PLEC: variants seen among roughly 807,000 people sequenced by gnomAD.
The protein encoded by PLEC is hemidesmosomal protein 1.
A neutral mutation model predicts 392.8 loss-of-function variants in PLEC; 216 were observed. That is an observed-to-expected ratio of 0.55 (90% CI 0.49 to 0.62). The LOEUF is 0.62. PLEC is among the 20% of genes least tolerant of loss of function. PLEC has a pLI of 0.00. For missense variants in PLEC, 6,863 were observed against 6,563.4 expected, an observed-to-expected ratio of 1.05 and a Z score of -1.58; for synonymous variants, 3,621 against 2,980.6, an observed-to-expected ratio of 1.21 and a Z score of -7.00.
At position 143,921,252 on chromosome 8, in the gene PLEC, T is replaced by G; in HGVS notation, c.8569A>C (p.Asn2857His). The change falls in exon 32 of 32, where the codon AAC becomes CAC. Residue 2857 changes from asparagine (N) to histidine (H), a missense_variant. Asn to His is a moderately conservative substitution (Grantham distance 68). Transcript: ENST00000345136. ...AGGTACGTGAGGTTCTCGTGCGTGT[T>G]GGGGTCAAAGAAGCCCTTGGTGTCG... ...SDDTKGFFDPNTHENLTYLQL... is the reference protein window; with the variant it reads ...SDDTKGFFDPHTHENLTYLQL... 2 of 1,614,082 alleles carry G rather than the reference T, an allele frequency of 1.2e-6. No individual in the cohort carries two copies. Among genetic ancestry groups the G allele is most frequent in the South Asian group, 1.1e-5 (1 of 91,092 alleles).
intron 1 of PLEC, among the ~76,000 whole-genome samples, chr8:143,949,047 C>T (rs1831824213): frequency 6.6e-6 from 1 of 152,204 alleles, no homozygotes; most frequent in African/African-American, 2.4e-5. Flanking sequence ...GGCCAGCCTC[C>T]ACCCCACAGC....
upstream of PLEC, among the ~76,000 whole-genome samples, chr8:143,974,342 C>T (rs148834063): frequency 2.3e-3 from 353 of 152,374 alleles, 1 homozygote; most frequent in Non-Finnish European, 3.7e-3. The surrounding 1 kb of genome is among the most constrained non-coding windows in gnomAD (Gnocchi z 5.9). Context: ...GGCGTGGGAA[C>T]GACACAAGTG....
At chr8:143,962,950 G>C (rs1832934853) in intron 1 of PLEC, among the ~76,000 whole-genome samples, 2 of 152,174 alleles carry the variant, frequency 1.3e-5, no homozygotes, top group Non-Finnish European at 2.9e-5. Context: ...ATGTTGGGAG[G>C]TTCACTGTTA....
In PLEC at chr8:143,937,247, GGGGA is replaced by G. The variant is rs782465197; in HGVS notation, c.265-9_265-6del. ...CATCCTCCCCTTCTCCCGGGGCTGT[GGGGA>G]GGCACAGTCAGCACCCACAGTGCAG... On this transcript the variant is annotated splice_region_variant and splice_polypyrimidine_tract_variant and intron_variant, in intron 3 of 31. Transcript: ENST00000345136. The G allele has an allele frequency of 1.2e-6, 2 of 1,610,696 alleles. No homozygotes were observed. The highest frequency in any genetic ancestry group is 2.7e-5 in the African/African-American group (2 of 74,846).
Position 143,937,211 on chromosome 8 carries a change from T to C in PLEC, c.296A>G (p.Lys99Arg). 6.2e-7 allele frequency: 1 copy of C among 1,612,764 alleles called. No homozygotes were observed. Among genetic ancestry groups the C allele is most frequent in the Non-Finnish European group, 8.5e-7 (1 of 1,179,798 alleles). The stretch of plus-strand genomic sequence containing the variant: ...CAGGGCAATCTGGACATTCTGCAGC[T>C]TGTGGAAACGCATCCTCCCCTTCTC... Reference protein sequence around the residue: ...PREKGRMRFHKLQNVQIALDY... With the variant: ...PREKGRMRFHRLQNVQIALDY... Residue 99 changes from lysine (K) to arginine (R), a missense_variant, in exon 4 of 32, where the codon AAG (lysine) becomes AGG (arginine). Coordinates refer to ENST00000345136, the MANE Select transcript of PLEC (RefSeq NM_201384.3).
chr8:143,933,968 CCG>C, intron 12 of PLEC, 28 bp downstream of exon 12: 1 of 1,578,330 alleles, frequency 6.3e-7, no homozygotes, highest in Admixed American at 1.7e-5. Flanking sequence ...GGCCTCCCTC[CCG>C]CCCACTGCCT....
At position 143,917,611 on chromosome 8, in the gene PLEC, G is replaced by A. The variant is rs1009404915; in HGVS notation, c.12210C>T (p.Gly4070=). Residue 4070 remains glycine, a synonymous_variant, in exon 32 of 32, where the codon GGC becomes GGT. Coordinates refer to ENST00000345136, the MANE Select transcript of PLEC (RefSeq NM_201384.3). ...RLPVEVAYKR[G]LFDEEMNEIL... ...TCTCGTTCATCTCCTCATCGAAGAG[G>A]CCGCGCTTGTAGGCCACCTCCACGG... 2.5e-6 allele frequency: 4 copies of A among 1,613,668 alleles called. No individual in the cohort carries two copies. Among genetic ancestry groups the A allele is most frequent in the Non-Finnish European group, 3.4e-6 (4 of 1,180,026 alleles).
In PLEC at chr8:143,923,671, G is replaced by A; in HGVS notation, c.6258C>T (p.Ala2086=). The A allele has an allele frequency of 1.9e-6, 3 of 1,556,562 alleles. 1 individual carries two copies. Among genetic ancestry groups the A allele is most frequent in the South Asian group, 2.3e-5 (2 of 86,682 alleles). Residue 2086 remains alanine, a synonymous_variant, in exon 31 of 32, where the codon GCC becomes GCT. Coordinates refer to ENST00000345136, the MANE Select transcript of PLEC (RefSeq NM_201384.3). ...LDQLRGEAEA[A]RRAAEEAEEA... Reference sequence around the variant, plus strand: ...CCTCCGCCTCCTCAGCCGCCCGCCGGGCCGCCTCCGCCTCGCCGCGCAGCT... The same window carrying A: ...CCTCCGCCTCCTCAGCCGCCCGCCGAGCCGCCTCCGCCTCGCCGCGCAGCT...
intron 1 of PLEC, among the ~76,000 whole-genome samples, chr8:143,964,169 C>T (rs1256205770): frequency 6.6e-6 from 1 of 152,126 alleles, no homozygotes; most frequent in Non-Finnish European, 1.5e-5. Context: ...GGCATGTTGG[C>T]ATAAGAAACA....
At position 143,932,813 on chromosome 8, in the gene PLEC, C is replaced by T. The variant is rs1291161114; in HGVS notation, c.1717G>A (p.Glu573Lys). ...QSIEEFRAKI[E>K]RARSDEGQLS... ...CCCACCTCGTCACTCCGTGCCCGCT[C>T]GATCTTGGCCCGGAATTCTTCGATG... The change falls in exon 14 of 32, where the codon GAG becomes AAG. Residue 573 changes from glutamate (E) to lysine (K), a missense_variant. Transcript: ENST00000345136. The T allele has an allele frequency of 9.9e-6, 16 of 1,612,492 alleles. No homozygotes were observed. Among genetic ancestry groups the T allele is most frequent in the East Asian group, 2.2e-5 (1 of 44,870 alleles).
At chr8:143,974,956 G>T (rs137942546), upstream of PLEC, among the ~76,000 whole-genome samples, 1 of 152,316 alleles carries the variant, frequency 6.6e-6, no homozygotes, top group African/African-American at 2.4e-5. This position sits in a 1 kb window ranked among gnomAD's most constrained non-coding sequence, Gnocchi z 5.9. Flanking sequence ...GATGGACGCC[G>T]CGGCAAGAAG....
upstream of PLEC, among the ~76,000 whole-genome samples, chr8:143,953,117 C>G (rs1049700421): frequency 3.8e-4 from 57 of 151,614 alleles, no homozygotes; most frequent in African/African-American, 1.3e-3. Context: ...CCTGCCCCCA[C>G]CCTGTGGGAA....
At position 143,924,237 on chromosome 8, in the gene PLEC, G is replaced by A; in HGVS notation, c.5692C>T (p.Leu1898=). 1 of 1,598,354 alleles carries A rather than the reference G, an allele frequency of 6.3e-7. No individual in the cohort carries two copies. The highest frequency in any genetic ancestry group is 8.5e-7 in the Non-Finnish European group (1 of 1,179,388). ...AGCTCGCTGTCCGATGCCTTGCGCAGCTGGGCCAGGCGCTCCTCGATGTCA... is the reference window on the plus strand; with the variant it reads ...AGCTCGCTGTCCGATGCCTTGCGCAACTGGGCCAGGCGCTCCTCGATGTCA... ...KADIEERLAQ[L]RKASDSELER... is the part of the protein sequence containing the mutation. Residue 1898 remains leucine (L), a synonymous_variant, in exon 31 of 32, where the codon CTG becomes TTG. Coordinates refer to ENST00000345136, the MANE Select transcript of PLEC (RefSeq NM_201384.3).
rs1429209506 is a variant in PLEC, at chr8:143,917,659, G to A, written c.12162C>T (p.Asp4054=). ...EAQIATGGII[D]PEESHRLPVE... ...CGGGCAGCCGGTGGCTCTCCTCAGG[G>A]TCGATGATGCCGCCCGTGGCGATCT... Residue 4054 remains aspartate, a synonymous_variant, in exon 32 of 32, where the codon GAC becomes GAT. Transcript: ENST00000345136. 3.1e-6 allele frequency: 5 copies of A among 1,613,524 alleles called. No homozygotes were observed. The African/African-American group carries it at 4.0e-5, about 13-fold the overall frequency.
chr8:143,931,102 TACAAGGGCTGGCAGTGCTCCTTCTATAGC>T (rs1827109780), intron 19 of PLEC, among the ~76,000 whole-genome samples: 1 of 152,146 alleles, frequency 6.6e-6, no homozygotes, highest in African/African-American at 2.4e-5. Flanking sequence ...CCTTCTATAG[TACAAGGGCTGGCAGTGCTCCTTCTATAGC>T]ACAAGGGCTG....
At chr8:143,957,364 C>T (rs1389450026), upstream of PLEC, among the ~76,000 whole-genome samples, 2 of 152,166 alleles carry the variant, frequency 1.3e-5, no homozygotes, top group Non-Finnish European at 2.9e-5. Context: ...CCCCAGGCTG[C>T]AGTCGGGCTC....
rs1170967514 is a variant in PLEC, at chr8:143,923,800, G to A, written c.6129C>T (p.Ala2043=). 1.3e-6 allele frequency: 2 copies of A among 1,578,790 alleles called. No homozygotes were observed. Among genetic ancestry groups the A allele is most frequent in the East Asian group, 4.6e-5 (2 of 43,506 alleles). The part of the protein sequence containing the change: ...ARQLQLAQEA[A]QKRLQAEEKA... The stretch of plus-strand genomic sequence containing the variant: ...TCTCTTCCGCCTGCAGCCGCTTCTG[G>A]GCGGCCTCCTGGGCCAGCTGCAGCT... The change falls in exon 31 of 32, where the codon GCC becomes GCT. Residue 2043 remains alanine (A), a synonymous_variant. Coordinates refer to ENST00000345136, the MANE Select transcript of PLEC (RefSeq NM_201384.3).
intron 1 of PLEC, among the ~76,000 whole-genome samples, chr8:143,944,948 C>T (rs1189409969): frequency 6.6e-6 from 1 of 150,910 alleles, no homozygotes; most frequent in Non-Finnish European, 1.5e-5. Flanking sequence ...TCTGGCTGGA[C>T]GGTGCCACCC....
At chr8:143,922,449 C>G in intron 31 of PLEC, 54 bp from the exon 32 acceptor site, 1 of 1,601,042 alleles carries the variant, frequency 6.2e-7, no homozygotes. Context: ...CACCCATCAC[C>G]CACCAAAGCA....
Sources: allele counts gnomAD v4.1 joint callset (sites outside exome capture counted in the v4.1 genomes callset), GRCh38; gene constraint gnomAD v4.1.1; non-coding constraint Gnocchi (gnomAD v3.1); transcripts MANE v1.5; gene names NCBI Gene and HGNC (gene_info 2026-07-23, HGNC 2026-07-21).